The following TULP4 variants were observed in gnomAD, a reference collection of about 807,000 sequenced individuals.
TULP4 encodes the protein tubby-related protein 4.
TULP4 carries 16 observed loss-of-function variants against 129.0 expected under a neutral mutation model. That is an observed-to-expected ratio of 0.12 (90% CI 0.08 to 0.19). TULP4 has a LOEUF of 0.19. Ranked by LOEUF, TULP4 falls within the 10% of genes least tolerant of loss-of-function variation. The probability of loss-of-function intolerance (pLI) is 1.00; values close to 1 mark genes in which losing one functional copy is unlikely to be tolerated. For synonymous variants in TULP4, 998 were observed against 854.0 expected (o/e 1.17, Z -2.94); for missense variants, 1,842 against 2,059.1 (o/e 0.89, Z 2.04).
At chr6:158,329,420 A>G (rs1270760768) in intron 1 of TULP4, among the ~76,000 whole-genome samples, 1 of 149,334 alleles carries the variant, frequency 6.7e-6, no homozygotes, top group Non-Finnish European at 1.5e-5. Context: ...TGCTGATTAA[A>G]TTTTTAGAGT....
intron 1 of TULP4, among the ~76,000 whole-genome samples, chr6:158,321,499 G>C (rs144201938): frequency 6.6e-6 from 1 of 152,062 alleles, no homozygotes; most frequent in Admixed American, 6.6e-5. Context: ...GTCAGGCCTC[G>C]CAGACTATCG....
At chr6:158,472,541 C>G (rs1192273431) in intron 6 of TULP4, among the ~76,000 whole-genome samples, 1 of 152,146 alleles carries the variant, frequency 6.6e-6, no homozygotes, top group Admixed American at 6.5e-5. Context: ...CAGTTTAACT[C>G]TTGTCTAATG....
intron 6 of TULP4, among the ~76,000 whole-genome samples, chr6:158,475,335 C>T (rs1392090675): frequency 6.6e-6 from 1 of 152,272 alleles, no homozygotes; most frequent in Admixed American, 6.5e-5. Context: ...ACCAGACCCA[C>T]ACTCCCTGAA....
At chr6:158,398,234 C>A (rs934696494) in intron 1 of TULP4, among the ~76,000 whole-genome samples, 1 of 152,146 alleles carries the variant, frequency 6.6e-6, no homozygotes, top group Non-Finnish European at 1.5e-5. Flanking sequence ...CCTCTTTCAG[C>A]GGGTACTGTG....
At chr6:158,374,081 A>G (rs979967222) in intron 1 of TULP4, among the ~76,000 whole-genome samples, 3 of 152,184 alleles carry the variant, frequency 2.0e-5, no homozygotes, top group Non-Finnish European at 4.4e-5. Context: ...TTAGGATACT[A>G]TTAATAACAT....
At chr6:158,504,264 C>A in intron 13 of TULP4, 86 bp downstream of exon 13, 1 of 1,123,786 alleles carries the variant, frequency 8.9e-7, no homozygotes, top group Non-Finnish European at 1.2e-6. Context: ...TTCAAAAGGC[C>A]AAATGGGAAA....
intron 1 of TULP4, among the ~76,000 whole-genome samples, chr6:158,382,322 G>C (rs1777346142): frequency 6.6e-6 from 1 of 152,270 alleles, no homozygotes; most frequent in Admixed American, 6.5e-5. Flanking sequence ...TCCTTGAGAA[G>C]TAGAGGGCAA....
chr6:158,461,790 T>C, intron 6 of TULP4, 61 bp downstream of exon 6: 1 of 1,517,468 alleles, frequency 6.6e-7, no homozygotes, highest in Non-Finnish European at 8.9e-7. Context: ...TAGGTTATTA[T>C]AATTATTGTT....
chr6:158,373,528 A>G (rs773670120), intron 1 of TULP4, among the ~76,000 whole-genome samples: 3 of 152,194 alleles, frequency 2.0e-5, no homozygotes, highest in Non-Finnish European at 4.4e-5. Context: ...ATTGAAAAAC[A>G]ATTTGTTCAG....
At chr6:158,344,651 A>G (rs938753602) in intron 1 of TULP4, among the ~76,000 whole-genome samples, 1 of 152,160 alleles carries the variant, frequency 6.6e-6, no homozygotes, top group Non-Finnish European at 1.5e-5. Flanking sequence ...TGACTGTTCC[A>G]CCGGCTGGCC....
intron 1 of TULP4, among the ~76,000 whole-genome samples, chr6:158,232,523 C>CGTGGCCGCTGCTTGGCT (rs1304079869): frequency 6.6e-6 from 1 of 151,340 alleles, no homozygotes; most frequent in African/African-American, 2.4e-5. Flanking sequence ...GCCCGGCGGC[C>CGTGGCCGCTGCTTGGCT]GTGGCCGCTG....
intron 1 of TULP4, among the ~76,000 whole-genome samples, chr6:158,275,312 G>T (rs564310570): frequency 1.3e-5 from 2 of 152,326 alleles, no homozygotes; most frequent in East Asian, 1.9e-4. Flanking sequence ...TGTCGAAACT[G>T]TGGTGATTCT....
intron 1 of TULP4, among the ~76,000 whole-genome samples, chr6:158,405,938 C>T (rs547363686): frequency 6.6e-6 from 1 of 152,282 alleles, no homozygotes; most frequent in Non-Finnish European, 1.5e-5. Context: ...CAGTTGTTTT[C>T]TAGGACATTT....
At chr6:158,325,736 T>A (rs543308473) in intron 1 of TULP4, among the ~76,000 whole-genome samples, 1 of 152,104 alleles carries the variant, frequency 6.6e-6, no homozygotes, top group Admixed American at 6.5e-5. Context: ...ATGAAACTTT[T>A]GTTTTATATT....
At chr6:158,439,797 C>T (rs531869770) in intron 3 of TULP4, among the ~76,000 whole-genome samples, 8 of 146,986 alleles carry the variant, frequency 5.4e-5, no homozygotes, top group East Asian at 2.1e-4. Context: ...CTGCAAGCTC[C>T]GCCTCCTGGG....
At chr6:158,420,904 C>G (rs1162417901) in intron 2 of TULP4, among the ~76,000 whole-genome samples, 1 of 152,198 alleles carries the variant, frequency 6.6e-6, no homozygotes, top group African/African-American at 2.4e-5. Context: ...GCGTCGAACT[C>G]TGTAAAATAT....
intron 5 of TULP4, among the ~76,000 whole-genome samples, chr6:158,453,485 CAAA>C (rs869146924): frequency 3.7e-3 from 66 of 17,972 alleles, no homozygotes; most frequent in African/African-American, 0.013. Context: ...CTCTGTCTCA[CAAA>C]AAAAAAAAAA....
chr6:158,424,888 T>C (rs1451496986), intron 2 of TULP4, among the ~76,000 whole-genome samples: 1 of 151,998 alleles, frequency 6.6e-6, no homozygotes, highest in African/African-American at 2.4e-5. Flanking sequence ...GCACGGTGGC[T>C]CGTACCGGTA....
chr6:158,451,987 A>G, intron 4 of TULP4, 147 bp from the exon 5 acceptor site: 1 of 1,184,076 alleles, frequency 8.4e-7, no homozygotes, highest in Non-Finnish European at 1.2e-6. Context: ...AATGATATAG[A>G]ATGTTTCATT....
Sources: gnomAD v4.1 joint callset for allele counts (sites outside exome capture counted in the v4.1 genomes callset) on GRCh38, gnomAD v4.1.1 for gene constraint, MANE v1.5 for transcripts, NCBI Gene and HGNC (gene_info 2026-07-23, HGNC 2026-07-21) for gene names.